The following CSMD1 variants were observed in gnomAD, a reference collection of about 807,000 sequenced individuals.
The protein encoded by CSMD1 is CUB and sushi domain-containing protein 1.
A neutral mutation model predicts 417.5 loss-of-function variants in CSMD1; 213 were observed. That is an observed-to-expected ratio of 0.51 (90% CI 0.46 to 0.57). The LOEUF (loss-of-function observed/expected upper bound fraction) is 0.57, where lower values mean the gene tolerates loss of function less well. Among genes scored for constraint, CSMD1 ranks in the 20% least tolerant of loss-of-function variants. The probability of loss-of-function intolerance (pLI) is 0.00; values close to 1 mark genes in which losing one functional copy is unlikely to be tolerated. For missense variants in CSMD1, 6,923 were observed against 4,529.7 expected (o/e 1.53, Z -15.17); for synonymous variants, 2,862 against 1,736.8 (o/e 1.65, Z -16.11).
chr8:4,812,285 G>C (rs962376560), intron 1 of CSMD1, among the ~76,000 whole-genome samples: 1 of 152,132 alleles, frequency 6.6e-6, no homozygotes, highest in African/African-American at 2.4e-5. Flanking sequence ...CGGGGAGGTG[G>C]GGGTTTTTCT....
At chr8:3,751,325 T>TGG (rs1554531267) in intron 6 of CSMD1, among the ~76,000 whole-genome samples, 1 of 142,594 alleles carries the variant, frequency 7.0e-6, no homozygotes, top group African/African-American at 2.5e-5. Flanking sequence ...TGTGTGTGTG[T>TGG]GTATATATAT....
intron 62 of CSMD1, among the ~76,000 whole-genome samples, chr8:2,959,306 T>G (rs1237116569): frequency 6.6e-6 from 1 of 151,912 alleles, no homozygotes; most frequent in African/African-American, 2.4e-5. Context: ...GGTCTTGCTA[T>G]GTTGCCCAGG....
intron 2 of CSMD1, among the ~76,000 whole-genome samples, chr8:4,470,293 C>T (rs756097862): frequency 2.6e-5 from 4 of 152,180 alleles, no homozygotes; most frequent in Non-Finnish European, 5.9e-5. Flanking sequence ...CCCTCCTCTC[C>T]TTCAACCTTT....
intron 1 of CSMD1, among the ~76,000 whole-genome samples, chr8:4,819,929 G>C (rs894053596): frequency 1.3e-5 from 2 of 152,196 alleles, no homozygotes; most frequent in Admixed American, 1.3e-4. Context: ...GTTATCATAA[G>C]TAATTTTTGA....
chr8:2,998,600 G>T (rs955209810), intron 53 of CSMD1, among the ~76,000 whole-genome samples: 1 of 152,178 alleles, frequency 6.6e-6, no homozygotes, highest in African/African-American at 2.4e-5. Flanking sequence ...GAGACAGTAT[G>T]GGATTTGTCT....
intron 2 of CSMD1, among the ~76,000 whole-genome samples, chr8:4,543,162 C>T (rs1259107321): frequency 6.6e-6 from 1 of 152,112 alleles, no homozygotes; most frequent in Non-Finnish European, 1.5e-5. Context: ...GATTCAAGTC[C>T]ATTATTGACA....
rs536644579 is a variant in CSMD1 at position 3,172,232 on chromosome 8, C to G, written c.5725+8878G>C. The stretch of plus-strand genomic sequence containing the variant: ...TCTTCCTTTTCTGACTGCTCACAGC[C>G]CTTCCTTGTTCTACATTTTTGTTTG... On this transcript the variant is annotated intron_variant, in intron 37 of 69. Transcript: ENST00000635120. Among the ~76,000 whole-genome samples, 267 of 152,242 alleles carry G rather than the reference C, an allele frequency of 1.8e-3. 2 individuals carry two copies. The highest frequency in any genetic ancestry group is 6.8e-3 in the Middle Eastern group (2 of 294).
intron 10 of CSMD1, among the ~76,000 whole-genome samples, chr8:3,517,172 C>A (rs1328305019): frequency 6.6e-6 from 1 of 152,128 alleles, no homozygotes; most frequent in Non-Finnish European, 1.5e-5. Context: ...CCTTCTCATG[C>A]CTGTCACCAG....
At chr8:4,273,950 T>A (rs1325003481) in intron 3 of CSMD1, among the ~76,000 whole-genome samples, 1 of 152,190 alleles carries the variant, frequency 6.6e-6, no homozygotes, top group African/African-American at 2.4e-5. Context: ...TGTTGAAGTG[T>A]CCTGGGAGTA....
intron 5 of CSMD1, among the ~76,000 whole-genome samples, chr8:3,940,160 T>A (rs1461492821): frequency 6.6e-6 from 1 of 152,138 alleles, no homozygotes; most frequent in Non-Finnish European, 1.5e-5. Context: ...AAGCTTGTCA[T>A]TGTGTTTCAA....
intron 52 of CSMD1, among the ~76,000 whole-genome samples, chr8:3,014,465 C>A (rs1808669523): frequency 6.6e-6 from 1 of 152,114 alleles, no homozygotes; most frequent in South Asian, 2.1e-4. Context: ...CTCTAGGATT[C>A]TTCCTTTCCA....
At chr8:3,189,260 G>A (rs946984854) in intron 34 of CSMD1, among the ~76,000 whole-genome samples, 1 of 152,184 alleles carries the variant, frequency 6.6e-6, no homozygotes, top group Non-Finnish European at 1.5e-5. Flanking sequence ...AGTTCTCTAA[G>A]AAGGGATGAT....
chr8:4,007,812 T>C (rs547756491), intron 4 of CSMD1, among the ~76,000 whole-genome samples: 11 of 152,314 alleles, frequency 7.2e-5, no homozygotes, highest in South Asian at 2.1e-4. Context: ...TAGGGGGCTA[T>C]GCACGGAATC....
chr8:3,956,981 T>C (rs1811992601), intron 5 of CSMD1, among the ~76,000 whole-genome samples: 1 of 152,188 alleles, frequency 6.6e-6, no homozygotes, highest in Admixed American at 6.5e-5. Flanking sequence ...CCTGTTTTTC[T>C]TGTGGGCCCT....
At chr8:4,717,756 A>T (rs1808777978) in intron 1 of CSMD1, among the ~76,000 whole-genome samples, 1 of 152,164 alleles carries the variant, frequency 6.6e-6, no homozygotes, top group Non-Finnish European at 1.5e-5. Context: ...AGTCTCTGTC[A>T]GAAACTGTCA....
intron 3 of CSMD1, among the ~76,000 whole-genome samples, chr8:4,399,443 T>C (rs1390520125): frequency 6.6e-6 from 1 of 152,238 alleles, no homozygotes; most frequent in East Asian, 1.9e-4. Context: ...GATGAGCCTT[T>C]CAAAGAATGG....
intron 1 of CSMD1, among the ~76,000 whole-genome samples, chr8:4,961,720 G>C (rs945374500): frequency 1.3e-5 from 2 of 151,756 alleles, no homozygotes; most frequent in Non-Finnish European, 2.9e-5. Flanking sequence ...AATTTTATTT[G>C]GCTGATATTT....
rs368894109 is a variant in CSMD1, at chr8:3,188,785, G to C, written c.5523+102C>G. The C allele has an allele frequency of 1.9e-5, 19 of 1,013,498 alleles. No individual in the cohort carries two copies. In the South Asian group the frequency reaches 5.1e-4, roughly 27 times the overall value. 62.8% of individuals were successfully genotyped at this position (1,013,498 alleles called of 1,614,324 possible). ...TATAAAAGGAAAAAAGAGAGAGGGA[G>C]AGAGAGAGAGATGGAAAGAAACATA... On this transcript the variant is annotated intron_variant, in intron 35 of 69. Coordinates refer to ENST00000635120, the MANE Select transcript of CSMD1 (RefSeq NM_033225.6).
At position 3,297,920 on chromosome 8, in the gene CSMD1, T is replaced by C. The variant is rs547659144; in HGVS notation, c.3950+9775A>G. ...TTTATCAAAAGAAATCATTTCAGTA[T>C]AAAAAAATGGGCAAAAGGCTTCAAC... On this transcript the variant is annotated intron_variant, in intron 25 of 69. Coordinates refer to ENST00000635120, the MANE Select transcript of CSMD1 (RefSeq NM_033225.6). 3.9e-5 allele frequency among the ~76,000 whole-genome samples: 6 copies of C among 151,978 alleles called. No homozygotes were observed. In the South Asian group the frequency reaches 1.2e-3, roughly 32 times the overall value.
Sources: allele counts gnomAD v4.1 joint callset (sites outside exome capture counted in the v4.1 genomes callset), GRCh38; gene constraint gnomAD v4.1.1; transcripts MANE v1.5; gene names NCBI Gene and HGNC (gene_info 2026-07-23, HGNC 2026-07-21).